GCSAML: variants seen among roughly 807,000 people sequenced by gnomAD.
GCSAML encodes the protein germinal center-associated signaling and motility-like protein.
Under a neutral mutation model 13.0 loss-of-function variants are expected in GCSAML, and 9 were observed. The ratio of observed to expected loss-of-function variants is 0.69; its 90% CI spans 0.42 to 1.21. GCSAML has a LOEUF of 1.21. Among genes scored for constraint, GCSAML ranks in the 50% most tolerant of loss-of-function variants. The pLI, the probability that GCSAML is intolerant of heterozygous loss-of-function variation, is 0.00. For missense variants in GCSAML, 143 were observed against 153.4 expected, an observed-to-expected ratio of 0.93 and a Z score of 0.36; for synonymous variants, 37 against 52.9, an observed-to-expected ratio of 0.70 and a Z score of 1.31.
intron 4 of GCSAML, among the ~76,000 whole-genome samples, chr1:247,572,781 G>A (rs968972544): frequency 6.6e-6 from 1 of 152,256 alleles, no homozygotes; most frequent in Non-Finnish European, 1.5e-5. Context: ...AGGCAGGAAT[G>A]TTTAAGTCCG....
At chr1:247,532,848 C>T (rs1372274093) in intron 2 of GCSAML, among the ~76,000 whole-genome samples, 1 of 131,276 alleles carries the variant, frequency 7.6e-6, no homozygotes, top group African/African-American at 3.0e-5. Flanking sequence ...TCACGGCCAA[C>T]TTGGACTGTA....
chr1:247,513,551 T>A (rs59202216), intron 1 of GCSAML, among the ~76,000 whole-genome samples: 2 of 152,228 alleles, frequency 1.3e-5, no homozygotes, highest in East Asian at 1.9e-4. Flanking sequence ...GCGCCACTTG[T>A]GTATGGAAAA....
rs1668869819 is a variant in GCSAML, at chr1:247,577,235, A to G, written c.*2853A>G. On this transcript the variant is annotated 3_prime_UTR_variant, in exon 5 of 5. Transcript: ENST00000366488. ...TTATATTTTTAATCAGTTTTACTCA[A>G]GTGTGATTATATACAAGAAAATGTA... The G allele has an allele frequency of 6.6e-6, 1 of 152,210 alleles. No individual in the cohort carries two copies. Among genetic ancestry groups the G allele is most frequent in the Admixed American group, 6.5e-5 (1 of 15,276 alleles). 9.4% of individuals were successfully genotyped at this position (152,210 alleles called of 1,614,324 possible).
At chr1:247,545,033 A>G (rs1667521333), upstream of GCSAML, among the ~76,000 whole-genome samples, 1 of 152,234 alleles carries the variant, frequency 6.6e-6, no homozygotes, top group Non-Finnish European at 1.5e-5. Context: ...AAACATTTGA[A>G]GCCAAATATC....
intron 2 of GCSAML, among the ~76,000 whole-genome samples, chr1:247,540,020 T>C (rs1225633149): frequency 6.6e-6 from 1 of 152,134 alleles, no homozygotes; most frequent in Non-Finnish European, 1.5e-5. Flanking sequence ...CGCCAGGCTC[T>C]CACTTGCCAT....
At chr1:247,541,253 C>T (rs1413005715) in intron 2 of GCSAML, among the ~76,000 whole-genome samples, 1 of 152,062 alleles carries the variant, frequency 6.6e-6, no homozygotes, top group African/African-American at 2.4e-5. Context: ...CAATGCATTG[C>T]TTATAATTAA....
intron 1 of GCSAML, among the ~76,000 whole-genome samples, chr1:247,549,849 T>G (rs934492996): frequency 3.3e-5 from 5 of 152,244 alleles, no homozygotes; most frequent in Non-Finnish European, 5.9e-5. Flanking sequence ...ATAACAGGCA[T>G]TATTGTTCTT....
Position 247,574,484 on chromosome 1 carries a change from C to T in GCSAML, c.*102C>T. 7.7e-7 allele frequency: 1 copy of T among 1,298,744 alleles called. No individual in the cohort carries two copies. Among genetic ancestry groups the T allele is most frequent in the East Asian group, 2.3e-5 (1 of 42,886 alleles). 80.5% of individuals were successfully genotyped at this position (1,298,744 alleles called of 1,614,324 possible). ...TGAGCAGTGCATGAAACATTCCTTT[C>T]TGGCTAAAGTTTAGAAATATTATCT... On this transcript the variant is annotated 3_prime_UTR_variant, in exon 5 of 5. Coordinates refer to ENST00000366488, the MANE Select transcript of GCSAML (RefSeq NM_145278.5).
chr1:247,532,450 C>T (rs201316551), intron 2 of GCSAML: 8 of 1,613,792 alleles, frequency 5.0e-6, no homozygotes, highest in Admixed American at 1.7e-5. Flanking sequence ...TAGTGAGGGT[C>T]GTGTGGAGAA....
intron 1 of GCSAML, among the ~76,000 whole-genome samples, chr1:247,524,299 T>G (rs1007198571): frequency 2.0e-5 from 3 of 152,124 alleles, no homozygotes; most frequent in Non-Finnish European, 4.4e-5. Context: ...ACACCAGCCT[T>G]TCTACACATG....
chr1:247,525,785 A>G (rs1026358781), intron 1 of GCSAML: 2 of 152,206 alleles, frequency 1.3e-5, no homozygotes, highest in African/African-American at 4.8e-5. Flanking sequence ...GGGTCTGACT[A>G]TCTTAATTCT....
intron 2 of GCSAML, among the ~76,000 whole-genome samples, chr1:247,561,910 C>T (rs76421091): frequency 0.032 from 4,840 of 152,152 alleles, 127 homozygotes; most frequent in East Asian, 0.087. Flanking sequence ...AACATCCACA[C>T]GGAGGGTTGC....
At chr1:247,511,848 G>T (rs1666049096) in intron 1 of GCSAML, among the ~76,000 whole-genome samples, 1 of 152,188 alleles carries the variant, frequency 6.6e-6, no homozygotes, top group Admixed American at 6.5e-5. Context: ...ACTCTCTTCT[G>T]ACTTGTAGGG....
At chr1:247,514,653 G>A (rs953793677) in intron 1 of GCSAML, among the ~76,000 whole-genome samples, 1 of 152,286 alleles carries the variant, frequency 6.6e-6, no homozygotes, top group South Asian at 2.1e-4. Flanking sequence ...TGTATAAAGC[G>A]AGAGAGGAGG....
At chr1:247,531,550 T>C (rs766835788) in intron 2 of GCSAML, 47 of 1,612,858 alleles carry the variant, frequency 2.9e-5, no homozygotes, top group Non-Finnish European at 4.0e-5. Flanking sequence ...CTGGAGTCTC[T>C]AAATTTGCGC....
Position 247,574,814 on chromosome 1 carries a change from A to C in GCSAML, c.*432A>C, listed in dbSNP as rs1341580353. The C allele has an allele frequency of 5.2e-6, 1 of 192,390 alleles. No homozygotes were observed. Among genetic ancestry groups the C allele is most frequent in the Non-Finnish European group, 1.1e-5 (1 of 92,118 alleles). 11.9% of individuals were successfully genotyped at this position (192,390 alleles called of 1,614,324 possible). A position where few individuals can be genotyped will look rare whatever the true frequency, so the allele number is the denominator to read the frequency against. On this transcript the variant is annotated 3_prime_UTR_variant, in exon 5 of 5. Transcript: ENST00000366488. ...CCTTGTTATACCCCTTCCCTTTTGG[A>C]GTTTATGCACAAGTGACCAGGATGA... is the stretch of plus-strand genomic sequence containing the variant.
chr1:247,568,981 A>T (rs1176062), intron 4 of GCSAML, among the ~76,000 whole-genome samples: 56,381 of 149,164 alleles, frequency 0.38, 11,695 homozygotes, highest in East Asian at 0.79. Context: ...TGTGAATGGG[A>T]GTCCACTCAT....
chr1:247,576,432 G>T lies in GCSAML; in HGVS notation c.*2050G>T, dbSNP rs1371807106. 6.6e-6 allele frequency: 1 copy of T among 152,018 alleles called. No individual in the cohort carries two copies. The highest frequency in any genetic ancestry group is 2.1e-4 in the South Asian group (1 of 4,814). 9.4% of individuals were successfully genotyped at this position (152,018 alleles called of 1,614,324 possible). On this transcript the variant is annotated 3_prime_UTR_variant, in exon 5 of 5. Transcript: ENST00000366488. ...TGGTGGTGCACACCTGTAGTCCCAG[G>T]TACTCAGGAGGCTGAGGTAGTAGGA...
At chr1:247,510,984 G>T (rs113678286) in intron 1 of GCSAML, among the ~76,000 whole-genome samples, 1,775 of 152,310 alleles carry the variant, frequency 0.012, 23 homozygotes, top group African/African-American at 0.04. Context: ...TTGATCTGGG[G>T]TGGAGAGTTC....
Sources: gnomAD v4.1 joint callset for allele counts (sites outside exome capture counted in the v4.1 genomes callset) on GRCh38, gnomAD v4.1.1 for gene constraint, MANE v1.5 for transcripts, NCBI Gene and HGNC (gene_info 2026-07-23, HGNC 2026-07-21) for gene names.